NTN5: variants seen among roughly 807,000 people sequenced by gnomAD.
The protein encoded by NTN5 is netrin-5.
NTN5 carries 42 observed loss-of-function variants against 38.7 expected under a neutral mutation model. That is an observed-to-expected ratio of 1.08 (90% CI 0.85 to 1.40). The LOEUF (loss-of-function observed/expected upper bound fraction) is 1.40. Ranked by LOEUF, NTN5 falls within the 40% of genes most tolerant of loss-of-function variation. NTN5 has a pLI of 0.00. For missense variants in NTN5, 658 were observed against 716.5 expected (o/e 0.92, Z 0.93); for synonymous variants, 329 against 303.9 (o/e 1.08, Z -0.86).
rs768274740 is a variant in NTN5, at chr19:48,663,804, C to T, written c.981G>A (p.Glu327=). ...GAGTAGTGGCAAGGGTGGTTGTTGCCTCTGGAATTCCTGTGAGACCAAAGG... is the reference window on the plus strand; with the variant it reads ...GAGTAGTGGCAAGGGTGGTTGTTGCTTCTGGAATTCCTGTGAGACCAAAGG... ...SPRMPCQRIP[E]ATTTLATTPG... Residue 327 remains glutamate (E), a synonymous_variant, in exon 5 of 7, where the codon GAG becomes GAA. Coordinates refer to ENST00000270235, the MANE Select transcript of NTN5 (RefSeq NM_145807.4). The T allele has an allele frequency of 4.3e-6, 7 of 1,614,082 alleles. No individual in the cohort carries two copies. Among genetic ancestry groups the T allele is most frequent in the Admixed American group, 1.7e-5 (1 of 60,014 alleles).
intron 4 of NTN5, 39 bp downstream of exon 4, chr19:48,664,104 G>T (rs73581795): frequency 7.6e-6 from 12 of 1,570,078 alleles, no homozygotes; most frequent in Non-Finnish European, 9.5e-6. Context: ...TCTCCTTCCC[G>T]CTCTACTCAG....
chr19:48,668,727 A>G (rs2031768591), intron 2 of NTN5, among the ~76,000 whole-genome samples: 1 of 152,130 alleles, frequency 6.6e-6, no homozygotes, highest in Admixed American at 6.5e-5. Flanking sequence ...CTCATCTGTA[A>G]AATGGGCCTG....
chr19:48,669,915 CCATCACCAT>C (rs2031895440), intron 2 of NTN5, among the ~76,000 whole-genome samples: 1 of 114,538 alleles, frequency 8.7e-6, no homozygotes, highest in Non-Finnish European at 1.9e-5. Flanking sequence ...ACCACCACCA[CCATCACCAT>C]CATCACCACT....
chr19:48,670,797 T>A lies in NTN5; in HGVS notation c.190A>T (p.Ser64Cys). The A allele has an allele frequency of 6.2e-7, 1 of 1,613,144 alleles. No individual in the cohort carries two copies. Among genetic ancestry groups the A allele is most frequent in the Non-Finnish European group, 8.5e-7 (1 of 1,179,956 alleles). ...HLGARETCNGSLTLALGGPFL... is the reference protein window; with the variant it reads ...HLGARETCNGCLTLALGGPFL... ...GGGCCACCCAGGGCCAAAGTCAGGC[T>A]GCCATTGCAGGTTTCCCTGGCGCCA... Residue 64 changes from serine (S) to cysteine (C), a missense_variant, in exon 2 of 7, where the codon AGC becomes TGC. Coordinates refer to ENST00000270235, the MANE Select transcript of NTN5 (RefSeq NM_145807.4).
intron 2 of NTN5, among the ~76,000 whole-genome samples, chr19:48,665,799 AC>A (rs1395537329): frequency 3.3e-5 from 5 of 151,956 alleles, no homozygotes; most frequent in African/African-American, 1.2e-4. Context: ...AGCCAGGGTG[AC>A]AGAGCAAGAC....
At chr19:48,669,684 AT>A (rs2031861643) in intron 2 of NTN5, among the ~76,000 whole-genome samples, 1 of 131,516 alleles carries the variant, frequency 7.6e-6, no homozygotes, top group Non-Finnish European at 1.6e-5. Flanking sequence ...CATCACCACC[AT>A]CACCACCACC....
intron 3 of NTN5, 26 bp downstream of exon 3, chr19:48,664,553 C>G (rs768597125): frequency 2.5e-6 from 4 of 1,578,514 alleles, no homozygotes; most frequent in South Asian, 1.2e-5. Context: ...CTGCTCCCCC[C>G]AGGCCTGTCT....
rs772091294 is a variant in NTN5, at chr19:48,662,002, G to C, written c.1145C>G (p.Pro382Arg). The part of the protein sequence containing the change: ...AQVLASEAAG[P>R]AWQRLAVRVL... ...GCGCACGGCCAGCCGCTGCCATGCC[G>C]GGCCCGCCGCCTCGGACGCTAGCAC... The change falls in exon 7 of 7, where the codon CCG becomes CGG. Residue 382 changes from proline (P) to arginine (R), a missense_variant. Coordinates refer to ENST00000270235, the MANE Select transcript of NTN5 (RefSeq NM_145807.4). 4 of 1,487,658 alleles carry C rather than the reference G, an allele frequency of 2.7e-6. No individual in the cohort carries two copies. The highest frequency in any genetic ancestry group is 2.9e-5 in the East Asian group (1 of 34,636). The allele number at this position is 1,487,658 out of a possible 1,614,324, so 92.2% of individuals were successfully genotyped here.
At chr19:48,665,867 C>T (rs2147739293) in intron 2 of NTN5, among the ~76,000 whole-genome samples, 1 of 152,054 alleles carries the variant, frequency 6.6e-6, no homozygotes, top group South Asian at 2.1e-4. Context: ...GGAATCAGAC[C>T]CTTTTAGCCT....
In NTN5 at chr19:48,670,813, C is replaced by T. The variant is rs373142526; in HGVS notation, c.174G>A (p.Arg58=). 82 of 1,612,986 alleles carry T rather than the reference C, an allele frequency of 5.1e-5. No individual in the cohort carries two copies. Among genetic ancestry groups the T allele is most frequent in the Non-Finnish European group, 6.6e-5 (78 of 1,179,968 alleles). The change falls in exon 2 of 7, where the codon AGG becomes AGA. Residue 58 remains arginine (R), a synonymous_variant. Transcript: ENST00000270235. ...ALSPGNHLGA[R]ETCNGSLTLA... ...AAGTCAGGCTGCCATTGCAGGTTTC[C>T]CTGGCGCCAAGGTGGTTTCCTGGGG... is the stretch of plus-strand genomic sequence containing the variant.
intron 2 of NTN5, among the ~76,000 whole-genome samples, chr19:48,669,037 TCATCACCACCAC>T (rs2031782592): frequency 9.7e-6 from 1 of 103,458 alleles, no homozygotes; most frequent in African/African-American, 3.7e-5. Flanking sequence ...ACTATCACTA[TCATCACCACCAC>T]CATCACCATC....
chr19:48,664,246 C>T lies in NTN5; in HGVS notation c.867G>A (p.Gln289=), dbSNP rs777408698. Reference sequence around the variant, plus strand: ...ACTTGCAGGTGCACTGCCCACTGGTCTGGTTGCAGGTTCCTCCTGTTGCCC... The same window carrying T: ...ACTTGCAGGTGCACTGCCCACTGGTTTGGTTGCAGGTTCCTCCTGTTGCCC... ...PIGATGGTCN[Q]TSGQCTCKLG... Residue 289 remains glutamine (Q), a synonymous_variant, in exon 4 of 7, where the codon CAG becomes CAA. Transcript: ENST00000270235. 1 of 1,613,020 alleles carries T rather than the reference C, an allele frequency of 6.2e-7. No homozygotes were observed. Among genetic ancestry groups the T allele is most frequent in the Non-Finnish European group, 8.5e-7 (1 of 1,179,594 alleles).
rs1170739060 is a variant in NTN5 at position 48,663,486 on chromosome 19, C to T, written c.1082G>A (p.Arg361Gln). 8 of 1,614,028 alleles carry T rather than the reference C, an allele frequency of 5.0e-6. No homozygotes were observed. In the South Asian group the frequency reaches 6.6e-5, roughly 13 times the overall value. Residue 361 changes from arginine (R) to glutamine (Q), a missense_variant, in exon 6 of 7, where the codon CGG (arginine) becomes CAG (glutamine). Transcript: ENST00000270235. ...MSDTRVHMSL[R>Q]RYCQQDHVLR... Reference sequence around the variant, plus strand: ...ACCATGGTCCTGCTGGCAGTACCTCCGAAGGCTCATGTGTACCCTGGTGTC... The same window carrying T: ...ACCATGGTCCTGCTGGCAGTACCTCTGAAGGCTCATGTGTACCCTGGTGTC...
At chr19:48,669,841 CACCACT>C (rs1468358465) in intron 2 of NTN5, among the ~76,000 whole-genome samples, 2 of 130,634 alleles carry the variant, frequency 1.5e-5, no homozygotes, top group Admixed American at 7.4e-5. Context: ...TCACCATCAC[CACCACT>C]ACCATCACCA....
At chr19:48,669,757 TCGTCACCACTACCATCACCATCA>T (rs1568452502) in intron 2 of NTN5, among the ~76,000 whole-genome samples, 14 of 26,756 alleles carry the variant, frequency 5.2e-4, no homozygotes, top group South Asian at 1.2e-3. Flanking sequence ...ACCATCACCA[TCGTCACCACTACCATCACCATCA>T]CACCACCACC....
intron 6 of NTN5, 105 bp downstream of exon 6, chr19:48,663,358 T>G: frequency 1.0e-6 from 1 of 1,001,154 alleles, no homozygotes; most frequent in Admixed American, 1.7e-5. Flanking sequence ...CCAACACTCC[T>G]TCCCATTTAA....
In NTN5 at chr19:48,670,344, C is replaced by CG; in HGVS notation, c.631+11dup. The CG allele has an allele frequency of 7.1e-7, 1 of 1,402,900 alleles. No individual in the cohort carries two copies. The highest frequency in any genetic ancestry group is 9.3e-7 in the Non-Finnish European group (1 of 1,079,000). 86.9% of individuals were successfully genotyped at this position (1,402,900 alleles called of 1,614,324 possible). On this transcript the variant is annotated intron_variant, in intron 2 of 6. Coordinates refer to ENST00000270235, the MANE Select transcript of NTN5 (RefSeq NM_145807.4). ...AGGCAAAGGCAGGGAGAGTGAGGGGCGCAGGACTCACGTAGGCAAGGGTGG... is the reference window on the plus strand; with the variant it reads ...AGGCAAAGGCAGGGAGAGTGAGGGGCGGCAGGACTCACGTAGGCAAGGGTGG...
intron 2 of NTN5, chr19:48,667,380 G>A (rs1444301822): frequency 4.7e-6 from 2 of 425,290 alleles, no homozygotes; most frequent in Admixed American, 2.6e-5. Context: ...CAGTCTGGGG[G>A]GATGTGGTGA....
chr19:48,669,465 T>C (rs1205124901), intron 2 of NTN5, among the ~76,000 whole-genome samples: 5 of 40,216 alleles, frequency 1.2e-4, no homozygotes, highest in East Asian at 8.9e-4. Context: ...ATGACCACCA[T>C]CATCACCACC....
Sources: allele counts gnomAD v4.1 joint callset (sites outside exome capture counted in the v4.1 genomes callset), GRCh38; gene constraint gnomAD v4.1.1; transcripts MANE v1.5; gene names NCBI Gene and HGNC (gene_info 2026-07-23, HGNC 2026-07-21).